CACNA1B: variants seen among roughly 807,000 people sequenced by gnomAD.
CACNA1B encodes the protein voltage-dependent N-type calcium channel subunit alpha-1B.
Under a neutral mutation model 247.2 loss-of-function variants are expected in CACNA1B, and 70 were observed. That is an observed-to-expected ratio of 0.28 (90% CI 0.23 to 0.35). The LOEUF (loss-of-function observed/expected upper bound fraction) is 0.35. Among genes scored for constraint, CACNA1B ranks in the 10% least tolerant of loss-of-function variants. CACNA1B has a pLI of 1.00. For missense variants in CACNA1B, 2,367 were observed against 3,197.4 expected, an observed-to-expected ratio of 0.74 and a Z score of 6.26; for synonymous variants, 1,231 against 1,294.4, an observed-to-expected ratio of 0.95 and a Z score of 1.05.
At position 138,012,961 on chromosome 9, in the gene CACNA1B, G is replaced by A. The variant is rs979378968; in HGVS notation, c.2161-168G>A. ...AGAGACAGCTCCTGTGGAACAGGTC[G>A]TGGGGGGCCACATTCACTCAGGGGT... On this transcript the variant is annotated intron_variant, in intron 17 of 46. Transcript: ENST00000371372. This position sits in a 1 kb window ranked among gnomAD's most constrained non-coding sequence, Gnocchi z 4.2. Among the ~76,000 whole-genome samples, 10 of 152,110 alleles carry A rather than the reference G, an allele frequency of 6.6e-5. No individual in the cohort carries two copies. Among genetic ancestry groups the A allele is most frequent in the East Asian group, 3.9e-4 (2 of 5,162 alleles).
chr9:137,882,915 G>A lies in CACNA1B; in HGVS notation c.530+32G>A, dbSNP rs1956947785. On this transcript the variant is annotated intron_variant, in intron 3 of 46. Transcript: ENST00000371372. This position sits in a 1 kb window ranked among gnomAD's most constrained non-coding sequence, Gnocchi z 4.0. The stretch of plus-strand genomic sequence containing the variant: ...AAGCTGAGGCCAGGAGGCCCAGCGT[G>A]TGAGGCCCGGGCGTGTGCTCTCTGA... The A allele has an allele frequency of 6.3e-7, 1 of 1,590,192 alleles. No homozygotes were observed.
chr9:138,121,759 G>A lies in CACNA1B; in HGVS notation c.6780G>A (p.Leu2260=), dbSNP rs745677174. The A allele has an allele frequency of 1.2e-6, 2 of 1,613,268 alleles. No individual in the cohort carries two copies. The highest frequency in any genetic ancestry group is 3.3e-5 in the Admixed American group (2 of 60,026). ...PGSRIGSDPY[L]GQRLDSEASV... is the part of the protein sequence containing the mutation. ...CTCGAATTGGCTCTGACCCTTACCT[G>A]GGGCAGCGTCTGGACAGTGAGGCCT... The change falls in exon 47 of 47, where the codon CTG becomes CTA. Residue 2260 remains leucine (L), a synonymous_variant. Transcript: ENST00000371372. The surrounding 1 kb of genome is among the most constrained non-coding windows in gnomAD (Gnocchi z 6.8).
chr9:137,904,475 T>A (rs981694965), intron 3 of CACNA1B, among the ~76,000 whole-genome samples: 2 of 147,044 alleles, frequency 1.4e-5, no homozygotes, highest in African/African-American at 5.0e-5. Flanking sequence ...CAAGCCATCC[T>A]CCCACCTTAG....
rs528385804 is a variant in CACNA1B at position 137,953,827 on chromosome 9, G to A, written c.1070+1450G>A. Among the ~76,000 whole-genome samples, 3 of 152,270 alleles carry A rather than the reference G, an allele frequency of 2.0e-5. No individual in the cohort carries two copies. The East Asian group carries it at 5.8e-4, about 29-fold the overall frequency. On this transcript the variant is annotated intron_variant, in intron 7 of 46. Coordinates refer to ENST00000371372, the MANE Select transcript of CACNA1B (RefSeq NM_000718.4). ...GTTGTGGGGAGAGGGCACAGGGGCT[G>A]TCAGGGGGCTGGCAGCCACCAGGCT...
chr9:138,120,653 G>C lies in CACNA1B; in HGVS notation c.6261G>C (p.Pro2087=). ...CAGCACCAAGCAGTGCTGTGGGGCC[G>C]GGGCTGCCCCCGGGAGAGGGGCCTA... ...MDGAPSSAVG[P]GLPPGEGPTG... is the part of the protein sequence containing the mutation. Residue 2087 remains proline, a synonymous_variant, in exon 46 of 47, where the codon CCG becomes CCC. Transcript: ENST00000371372. 1 of 1,505,354 alleles carries C rather than the reference G, an allele frequency of 6.6e-7. No individual in the cohort carries two copies. Among genetic ancestry groups the C allele is most frequent in the Admixed American group, 2.6e-5 (1 of 38,096 alleles). 93.2% of individuals were successfully genotyped at this position (1,505,354 alleles called of 1,614,324 possible).
chr9:137,904,540 AT>A (rs796085828), intron 3 of CACNA1B, among the ~76,000 whole-genome samples: 16 of 148,236 alleles, frequency 1.1e-4, no homozygotes, highest in African/African-American at 2.2e-4. Context: ...AATTAAAAAA[AT>A]TTTTTTTTTG....
chr9:137,937,272 C>T (rs745829842), intron 6 of CACNA1B, among the ~76,000 whole-genome samples: 1 of 151,958 alleles, frequency 6.6e-6, no homozygotes, highest in Non-Finnish European at 1.5e-5. Context: ...AATGGATGCA[C>T]TTAGAGAAAT....
At chr9:138,120,579 G>T in intron 45 of CACNA1B, 52 bp from the exon 46 acceptor site, 2 of 1,462,688 alleles carry the variant, frequency 1.4e-6, no homozygotes, top group Non-Finnish European at 1.8e-6. Flanking sequence ...CCGGGGGTCA[G>T]GGGTCCCTGC....
intron 34 of CACNA1B, among the ~76,000 whole-genome samples, chr9:138,074,441 A>G (rs1476659143): frequency 2.0e-5 from 3 of 152,282 alleles, no homozygotes; most frequent in Non-Finnish European, 4.4e-5. Flanking sequence ...GGGTTTCACC[A>G]TGTTGGCCAG....
intron 15 of CACNA1B, among the ~76,000 whole-genome samples, chr9:137,998,872 A>G (rs1958530968): frequency 6.6e-6 from 1 of 152,368 alleles, no homozygotes; most frequent in East Asian, 1.9e-4. Context: ...AAGATTAGAA[A>G]GGATCTAAAA....
intron 2 of CACNA1B, among the ~76,000 whole-genome samples, chr9:137,879,860 G>A (rs1247397828): frequency 6.6e-6 from 1 of 152,154 alleles, no homozygotes; most frequent in Non-Finnish European, 1.5e-5. Flanking sequence ...GCATTTTGGA[G>A]GTGAGCAGTT....
intron 21 of CACNA1B, among the ~76,000 whole-genome samples, chr9:138,044,836 C>G (rs1046413156): frequency 6.6e-6 from 1 of 152,238 alleles, no homozygotes; most frequent in African/African-American, 2.4e-5. Flanking sequence ...GCCTCCTCCC[C>G]CCAGTCACTC....
chr9:137,951,381 G>A (rs745698337), intron 6 of CACNA1B, among the ~76,000 whole-genome samples: 3 of 152,164 alleles, frequency 2.0e-5, no homozygotes, highest in Non-Finnish European at 4.4e-5. Flanking sequence ...GCAGCACCTG[G>A]AGATCAGCGC....
Position 137,914,335 on chromosome 9 carries a change from G to A in CACNA1B, c.623-319G>A, listed in dbSNP as rs966717288. Among the ~76,000 whole-genome samples, 4 of 150,112 alleles carry A rather than the reference G, an allele frequency of 2.7e-5. No homozygotes were observed. Among genetic ancestry groups the A allele is most frequent in the African/African-American group, 2.5e-5 (1 of 40,598 alleles). On this transcript the variant is annotated intron_variant, in intron 4 of 46. Transcript: ENST00000371372. This position sits in a 1 kb window ranked among gnomAD's most constrained non-coding sequence, Gnocchi z 4.3. Reference sequence around the variant, plus strand: ...TCAGGATTCTCTGTTGCCCCACCCTGAGCCCCACTCCCCACCCCAGACTTC... The same window carrying A: ...TCAGGATTCTCTGTTGCCCCACCCTAAGCCCCACTCCCCACCCCAGACTTC...
rs557686572 is a variant in CACNA1B, at chr9:138,057,510, T to C, written c.3969-222T>C. Reference sequence around the variant, plus strand: ...TTTTCCTCTAAGTGTTTTATAGTTTTAGCTCCTTACACTTAGGTCTGGAAT... The same window carrying C: ...TTTTCCTCTAAGTGTTTTATAGTTTCAGCTCCTTACACTTAGGTCTGGAAT... On this transcript the variant is annotated intron_variant, in intron 26 of 46. Coordinates refer to ENST00000371372, the MANE Select transcript of CACNA1B (RefSeq NM_000718.4). The surrounding 1 kb of genome is among the most constrained non-coding windows in gnomAD (Gnocchi z 4.0). Among the ~76,000 whole-genome samples, 31 of 152,360 alleles carry C rather than the reference T, an allele frequency of 2.0e-4. No individual in the cohort carries two copies. Among genetic ancestry groups the C allele is most frequent in the Admixed American group, 5.9e-4 (9 of 15,304 alleles).
At chr9:137,944,502 G>T (rs549266234) in intron 6 of CACNA1B, among the ~76,000 whole-genome samples, 1 of 152,276 alleles carries the variant, frequency 6.6e-6, no homozygotes, top group Non-Finnish European at 1.5e-5. Flanking sequence ...CTAAGTGATT[G>T]CCCTGAGAGT....
chr9:137,934,643 C>T (rs534837808), intron 6 of CACNA1B, among the ~76,000 whole-genome samples: 25 of 152,330 alleles, frequency 1.6e-4, no homozygotes, highest in African/African-American at 4.8e-4. Context: ...CAGTTCATAT[C>T]ACAGGACTCT....
At chr9:138,083,349 G>A (rs754301043) in intron 36 of CACNA1B, among the ~76,000 whole-genome samples, 46 of 151,138 alleles carry the variant, frequency 3.0e-4, no homozygotes, top group Admixed American at 5.9e-4. Context: ...GAGGGGCCAC[G>A]TGGAGGTGGA....
intron 12 of CACNA1B, among the ~76,000 whole-genome samples, chr9:137,976,240 G>A (rs1353196676): frequency 6.6e-6 from 1 of 152,214 alleles, no homozygotes; most frequent in African/African-American, 2.4e-5. Context: ...CTCTGTCGGC[G>A]GGAGGTCACC....
Sources: gnomAD v4.1 joint callset for allele counts (sites outside exome capture counted in the v4.1 genomes callset) on GRCh38, gnomAD v4.1.1 for gene constraint, Gnocchi (gnomAD v3.1) non-coding constraint, MANE v1.5 for transcripts, NCBI Gene and HGNC (gene_info 2026-07-23, HGNC 2026-07-21) for gene names.